Variants in ICMT observed in about 807,000 individuals in gnomAD.
ICMT encodes the protein protein-S-isoprenylcysteine O-methyltransferase.
In ICMT, 10 loss-of-function variants were observed where a neutral mutation model predicts 32.2. The observed-to-expected ratio is 0.31, with a 90% CI of 0.19 to 0.53. The LOEUF is 0.53. ICMT is among the 20% of genes least tolerant of loss of function. ICMT has a pLI of 0.96. For missense variants in ICMT, 265 were observed against 356.9 expected (o/e 0.74, Z 2.07); for synonymous variants, 183 against 158.2 (o/e 1.16, Z -1.18).
intron 4 of ICMT, among the ~76,000 whole-genome samples, chr1:6,229,770 T>C (rs531560313): frequency 6.8e-4 from 86 of 126,084 alleles, no homozygotes; most frequent in Non-Finnish European, 1.2e-3. Flanking sequence ...AAACCATACA[T>C]AAATAAAAAA....
rs1164789985 is a variant in ICMT, at chr1:6,225,273, G to A, written c.673-11C>T. 1.2e-6 allele frequency: 2 copies of A among 1,610,750 alleles called. No homozygotes were observed. The highest frequency in any genetic ancestry group is 1.7e-6 in the Non-Finnish European group (2 of 1,178,648). ...GTTACACAGCATCACCTAACAGAGG[G>A]AGACACCAGGCTCATCAGGGTGACC... is the stretch of plus-strand genomic sequence containing the variant. On this transcript the variant is annotated splice_polypyrimidine_tract_variant and intron_variant, in intron 4 of 4. Coordinates refer to ENST00000343813, the MANE Select transcript of ICMT (RefSeq NM_012405.4).
intron 1 of ICMT, 124 bp downstream of exon 1, chr1:6,235,593 C>A: frequency 1.7e-6 from 1 of 593,768 alleles, no homozygotes; most frequent in Non-Finnish European, 2.2e-6. Context: ...GCGACCTGAA[C>A]TCGCGGATGA....
intron 1 of ICMT, 70 bp from the exon 2 acceptor site, chr1:6,235,044 C>T (rs1416917446): frequency 1.6e-6 from 2 of 1,240,930 alleles, no homozygotes; most frequent in Non-Finnish European, 2.4e-6. Flanking sequence ...GCTGACCTTC[C>T]CGGAATAGGC....
In ICMT at chr1:6,235,845, G is replaced by A. The variant is rs1326693676; in HGVS notation, c.67C>T (p.Leu23=). 2.4e-6 allele frequency: 3 copies of A among 1,273,866 alleles called. No individual in the cohort carries two copies. The highest frequency in any genetic ancestry group is 3.0e-6 in the Non-Finnish European group (3 of 1,000,854). The allele number at this position is 1,273,866 out of a possible 1,614,324, so 78.9% of individuals were successfully genotyped here. ...EARLSLATFL[L]GASVLALPLL... ...GGCAGCGCGAGCACCGAGGCGCCCA[G>A]CAGGAAGGTGGCGAGGCTGAGACGC... The change falls in exon 1 of 5, where the codon CTG becomes TTG. Residue 23 remains leucine (L), a synonymous_variant. Coordinates refer to ENST00000343813, the MANE Select transcript of ICMT (RefSeq NM_012405.4).
rs1668572146 is a variant in ICMT at position 6,222,521 on chromosome 1, C to T, written c.*2559G>A. 6.6e-6 allele frequency: 1 copy of T among 152,212 alleles called. No individual in the cohort carries two copies. The highest frequency in any genetic ancestry group is 1.5e-5 in the Non-Finnish European group (1 of 68,046). 9.4% of individuals were successfully genotyped at this position (152,212 alleles called of 1,614,324 possible). ...AAACAGGGTGGGAATGTTCTCCCAC[C>T]ATCCCTACCCCTGGAATTCCTCTCC... On this transcript the variant is annotated 3_prime_UTR_variant, in exon 5 of 5. Coordinates refer to ENST00000343813, the MANE Select transcript of ICMT (RefSeq NM_012405.4).
chr1:6,233,012 T>C (rs1446799741), intron 3 of ICMT, among the ~76,000 whole-genome samples: 4 of 151,842 alleles, frequency 2.6e-5, no homozygotes, highest in Admixed American at 1.3e-4. Flanking sequence ...CATGTGCCAC[T>C]ACGCCTGGCT....
Position 6,235,944 on chromosome 1 carries a change from C to CCGG in ICMT, c.-36_-34dup. 9.3e-7 allele frequency: 1 copy of CCGG among 1,072,704 alleles called. No homozygotes were observed. The highest frequency in any genetic ancestry group is 1.1e-6 in the Non-Finnish European group (1 of 880,980). 66.4% of individuals were successfully genotyped at this position (1,072,704 alleles called of 1,614,324 possible). A position where few individuals can be genotyped will look rare whatever the true frequency, so the allele number is the denominator to read the frequency against. On this transcript the variant is annotated 5_prime_UTR_variant, in exon 1 of 5. Coordinates refer to ENST00000343813, the MANE Select transcript of ICMT (RefSeq NM_012405.4). ...GGCGGCGGACTAGCGGGCGGCGGCG[C>CCGG]CGGCTGTAGCCCGGAGAAACGCGCC...
intron 3 of ICMT, among the ~76,000 whole-genome samples, chr1:6,232,995 T>C (rs1668761024): frequency 6.6e-6 from 1 of 152,044 alleles, no homozygotes; most frequent in Admixed American, 6.6e-5. Context: ...GTAGCTGGGA[T>C]TACAGGCATG....
chr1:6,235,281 A>G (rs1460093967), intron 1 of ICMT, among the ~76,000 whole-genome samples: 1 of 152,180 alleles, frequency 6.6e-6, no homozygotes, highest in Non-Finnish European at 1.5e-5. Context: ...TGCTACCTAC[A>G]TTTTAGCTGT....
chr1:6,233,696 A>C (rs969063408), intron 2 of ICMT, 53 bp from the exon 3 acceptor site: 2 of 1,482,474 alleles, frequency 1.3e-6, no homozygotes, highest in South Asian at 1.2e-5. Context: ...CAAGTTAACC[A>C]TAAGTGCACA....
At chr1:6,229,545 G>C (rs933781638) in intron 4 of ICMT, among the ~76,000 whole-genome samples, 6 of 151,872 alleles carry the variant, frequency 4.0e-5, no homozygotes, top group Non-Finnish European at 7.4e-5. Flanking sequence ...TGTAGTTTCA[G>C]CTACTTAGAA....
chr1:6,226,634 A>G (rs796276293), intron 4 of ICMT, among the ~76,000 whole-genome samples: 18 of 152,318 alleles, frequency 1.2e-4, no homozygotes, highest in African/African-American at 4.3e-4. Flanking sequence ...CTTATTGAGC[A>G]CTTACTATGT....
chr1:6,233,441 T>A (rs781263884), intron 3 of ICMT, 33 bp downstream of exon 3: 1 of 1,585,968 alleles, frequency 6.3e-7, no homozygotes, highest in South Asian at 1.1e-5. Context: ...GCCACCCTTT[T>A]CCCCTCCAGA....
At chr1:6,225,904 G>T (rs1668639413) in intron 4 of ICMT, among the ~76,000 whole-genome samples, 1 of 151,744 alleles carries the variant, frequency 6.6e-6, no homozygotes, top group African/African-American at 2.4e-5. Context: ...CTGTCACGTG[G>T]AGTGCAGTGG....
intron 1 of ICMT, among the ~76,000 whole-genome samples, chr1:6,235,280 C>T (rs1668803969): frequency 6.6e-6 from 1 of 152,202 alleles, no homozygotes; most frequent in Non-Finnish European, 1.5e-5. Context: ...CTGCTACCTA[C>T]ATTTTAGCTG....
intron 1 of ICMT, 71 bp from the exon 2 acceptor site, chr1:6,235,045 C>A: frequency 8.1e-7 from 1 of 1,238,354 alleles, no homozygotes; most frequent in East Asian, 2.4e-5. Flanking sequence ...CTGACCTTCC[C>A]GGAATAGGCA....
Position 6,221,861 on chromosome 1 carries a change from G to C in ICMT, c.*3219C>G, listed in dbSNP as rs561000745. The C allele has an allele frequency of 6.6e-6, 1 of 152,328 alleles. No homozygotes were observed. The highest frequency in any genetic ancestry group is 1.9e-4 in the East Asian group (1 of 5,188). The allele number at this position is 152,328 out of a possible 1,614,324, so 9.4% of individuals were successfully genotyped here. ...CTCACGAAAGGCTTCACTCTATGCTGTTTCCAGGTAGCTTTGTTCTGACAG... is the reference window on the plus strand; with the variant it reads ...CTCACGAAAGGCTTCACTCTATGCTCTTTCCAGGTAGCTTTGTTCTGACAG... On this transcript the variant is annotated 3_prime_UTR_variant, in exon 5 of 5. Transcript: ENST00000343813.
intron 1 of ICMT, among the ~76,000 whole-genome samples, chr1:6,235,351 T>C (rs1214456452): frequency 6.6e-6 from 1 of 152,202 alleles, no homozygotes; most frequent in Non-Finnish European, 1.5e-5. Flanking sequence ...TTAAGCCTAG[T>C]TTATGAGGTC....
rs530540207 is a variant in ICMT at position 6,224,677 on chromosome 1, G to T, written c.*403C>A. The stretch of plus-strand genomic sequence containing the variant: ...TGCATTTTTACCGCTGATAAGAAGG[G>T]GTACCTGCTACCCCTTTCTGCTGTG... On this transcript the variant is annotated 3_prime_UTR_variant, in exon 5 of 5. Transcript: ENST00000343813. 1.2e-5 allele frequency: 2 copies of T among 167,364 alleles called. No homozygotes were observed. The highest frequency in any genetic ancestry group is 3.4e-4 in the East Asian group (2 of 5,860). The allele number at this position is 167,364 out of a possible 1,614,324, so 10.4% of individuals were successfully genotyped here.
Sources: gnomAD v4.1 joint callset for allele counts (sites outside exome capture counted in the v4.1 genomes callset) on GRCh38, gnomAD v4.1.1 for gene constraint, MANE v1.5 for transcripts, NCBI Gene and HGNC (gene_info 2026-07-23, HGNC 2026-07-21) for gene names.